SORCS2: variants seen among roughly 807,000 people sequenced by gnomAD.
SORCS2 encodes VPS10 domain-containing receptor SorCS2.
SORCS2 carries 100 observed loss-of-function variants against 141.6 expected under a neutral mutation model. The observed-to-expected ratio is 0.71, with a 90% confidence interval of 0.60 to 0.83. The LOEUF is 0.83. Among genes scored for constraint, SORCS2 ranks in the 40% least tolerant of loss-of-function variants. The pLI, the probability that SORCS2 is intolerant of heterozygous loss-of-function variation, is 0.00. For missense variants in SORCS2, 1,646 were observed against 1,560.2 expected (o/e 1.05, Z -0.93); for synonymous variants, 789 against 676.9 (o/e 1.17, Z -2.57).
chr4:7,251,235 A>G (rs1666316025), intron 1 of SORCS2, among the ~76,000 whole-genome samples: 1 of 152,218 alleles, frequency 6.6e-6, no homozygotes, highest in African/African-American at 2.4e-5. Context: ...GGCTCAAACA[A>G]TGCCTTCTGA....
chr4:7,684,631 A>G (rs547039448), intron 10 of SORCS2, among the ~76,000 whole-genome samples: 2 of 152,276 alleles, frequency 1.3e-5, no homozygotes, highest in East Asian at 1.9e-4. Flanking sequence ...TCATGTGTAA[A>G]ATAGAAAGAA....
chr4:7,468,992 A>G (rs1048062884), intron 2 of SORCS2, among the ~76,000 whole-genome samples: 1 of 151,956 alleles, frequency 6.6e-6, no homozygotes, highest in Non-Finnish European at 1.5e-5. Context: ...GAACAGCACT[A>G]CTCTGAAGAG....
At chr4:7,397,265 G>T (rs1231147001) in intron 2 of SORCS2, among the ~76,000 whole-genome samples, 2 of 152,236 alleles carry the variant, frequency 1.3e-5, no homozygotes, top group African/African-American at 4.8e-5. Flanking sequence ...AGGGATTTCT[G>T]CAATGCTCTG....
At chr4:7,504,060 C>G (rs1253124761) in intron 2 of SORCS2, among the ~76,000 whole-genome samples, 1 of 152,192 alleles carries the variant, frequency 6.6e-6, no homozygotes, top group Admixed American at 6.5e-5. Flanking sequence ...GACCTCAAAC[C>G]CTTACAGGCC....
intron 2 of SORCS2, among the ~76,000 whole-genome samples, chr4:7,418,705 C>CCA (rs1553859453): frequency 9.7e-6 from 1 of 103,272 alleles, no homozygotes; most frequent in Non-Finnish European, 2.1e-5. Context: ...ACAAATGACC[C>CCA]CCCCCCCCAC....
Position 7,279,864 on chromosome 4 carries a change from GC to G in SORCS2, c.480+86744del, listed in dbSNP as rs372374554. On this transcript the variant is annotated intron_variant, in intron 1 of 26. Transcript: ENST00000507866. ...TTTCTGGACGCACCTCCCCTCCCCC[GC>G]CCCCCAATTAATCCACTGTGTTACA... Among the ~76,000 whole-genome samples the G allele has an allele frequency of 7.7e-3, 576 of 74,380 alleles. 2 individuals carry two copies. The highest frequency in any genetic ancestry group is 0.027 in the African/African-American group (537 of 19,958). 48.8% of individuals were successfully genotyped at this position (74,380 alleles called of 152,430 possible). A position where few individuals can be genotyped will look rare whatever the true frequency, so the allele number is the denominator to read the frequency against.
chr4:7,409,908 TC>T (rs1725194584), intron 2 of SORCS2, among the ~76,000 whole-genome samples: 1 of 152,226 alleles, frequency 6.6e-6, no homozygotes, highest in Non-Finnish European at 1.5e-5. Context: ...GAACCGGAAG[TC>T]TCCTTGTTTT....
intron 1 of SORCS2, among the ~76,000 whole-genome samples, chr4:7,316,118 C>T (rs950696273): frequency 2.6e-5 from 4 of 151,760 alleles, no homozygotes; most frequent in African/African-American, 7.3e-5. Flanking sequence ...TTCCTTCTAT[C>T]TACCATCCAT....
intron 1 of SORCS2, among the ~76,000 whole-genome samples, chr4:7,266,077 C>T (rs1437148492): frequency 1.3e-5 from 2 of 152,154 alleles, no homozygotes; most frequent in Non-Finnish European, 1.5e-5. Flanking sequence ...CTAAATTTCC[C>T]TTTTTTCTGG....
chr4:7,390,965 A>G (rs550449992), intron 1 of SORCS2, among the ~76,000 whole-genome samples: 134 of 152,196 alleles, frequency 8.8e-4, no homozygotes, highest in African/African-American at 3.0e-3. Flanking sequence ...GCCAGTGACC[A>G]CTCAGGGAGG....
chr4:7,604,379 G>A (rs143699816), intron 3 of SORCS2, among the ~76,000 whole-genome samples: 2,998 of 152,248 alleles, frequency 0.02, 99 homozygotes, highest in African/African-American at 0.069. Context: ...GTGCAGTGGC[G>A]CGATCTCGGC....
chr4:7,366,358 C>G (rs115311478), intron 1 of SORCS2, among the ~76,000 whole-genome samples: 1 of 151,992 alleles, frequency 6.6e-6, no homozygotes, highest in African/African-American at 2.4e-5. Flanking sequence ...GCAGCAGGGT[C>G]GAGTTCCCTG....
At chr4:7,451,745 G>A (rs1728477150) in intron 2 of SORCS2, among the ~76,000 whole-genome samples, 1 of 152,206 alleles carries the variant, frequency 6.6e-6, no homozygotes, top group South Asian at 2.1e-4. Context: ...GAGTGTGCCA[G>A]GCTGGTTTTG....
At chr4:7,560,445 A>C (rs13146469) in intron 3 of SORCS2, among the ~76,000 whole-genome samples, 1 of 152,064 alleles carries the variant, frequency 6.6e-6, no homozygotes, top group African/African-American at 2.4e-5. Context: ...TTTGTCTCTC[A>C]ATGGCTTGGG....
At chr4:7,485,580 G>A (rs1730928699) in intron 2 of SORCS2, among the ~76,000 whole-genome samples, 1 of 152,234 alleles carries the variant, frequency 6.6e-6, no homozygotes, top group South Asian at 2.1e-4. Context: ...ACACACTCTT[G>A]TTATTTTTCC....
chr4:7,260,347 C>G (rs1355171598), intron 1 of SORCS2, among the ~76,000 whole-genome samples: 1 of 152,112 alleles, frequency 6.6e-6, no homozygotes, highest in African/African-American at 2.4e-5. Flanking sequence ...TACTCTCTGC[C>G]TGGGCTCCTC....
chr4:7,349,008 C>T (rs1417756894), intron 1 of SORCS2, among the ~76,000 whole-genome samples: 3 of 152,232 alleles, frequency 2.0e-5, no homozygotes, highest in African/African-American at 4.8e-5. Context: ...CCCCTTCCCC[C>T]CTCTGGCTTC....
At chr4:7,262,547 G>A (rs1714432273) in intron 1 of SORCS2, among the ~76,000 whole-genome samples, 1 of 152,222 alleles carries the variant, frequency 6.6e-6, no homozygotes, top group Non-Finnish European at 1.5e-5. Context: ...CAGATGAGAA[G>A]CAAATCAACA....
intron 1 of SORCS2, among the ~76,000 whole-genome samples, chr4:7,216,920 C>T (rs1002466642): frequency 6.6e-6 from 1 of 152,220 alleles, no homozygotes; most frequent in Non-Finnish European, 1.5e-5. Context: ...AGCGGAGTGA[C>T]TCTTCCAATT....
Sources: gnomAD v4.1 joint callset for allele counts (sites outside exome capture counted in the v4.1 genomes callset) on GRCh38, gnomAD v4.1.1 for gene constraint, MANE v1.5 for transcripts, NCBI Gene and HGNC (gene_info 2026-07-23, HGNC 2026-07-21) for gene names.